Variants in AHI1 observed in about 807,000 individuals in gnomAD.
AHI1 encodes jouberin.
Under a neutral mutation model 149.3 loss-of-function variants are expected in AHI1, and 123 were observed. The ratio of observed to expected loss-of-function variants is 0.82; its 90% CI spans 0.71 to 0.96. AHI1 has a LOEUF of 0.96. AHI1 is among the 40% of genes least tolerant of loss of function. The pLI is 0.00. For synonymous variants in AHI1, 475 were observed against 459.8 expected (o/e 1.03, Z -0.42); for missense variants, 1,439 against 1,422.7 (o/e 1.01, Z -0.18).
intron 8 of AHI1, among the ~76,000 whole-genome samples, chr6:135,458,083 CT>C (rs1421199707): frequency 6.6e-6 from 1 of 152,068 alleles, no homozygotes; most frequent in Non-Finnish European, 1.5e-5. Context: ...CAGGTAAACA[CT>C]TTGGGTAACA....
Position 135,483,329 on chromosome 6 carries a change from T to G in AHI1, c.135+7294A>C, listed in dbSNP as rs1323238300. Among the ~76,000 whole-genome samples, 3 of 152,150 alleles carry G rather than the reference T, an allele frequency of 2.0e-5. 1 individual carries two copies. Among genetic ancestry groups the G allele is most frequent in the South Asian group, 4.1e-4 (2 of 4,828 alleles). On this transcript the variant is annotated intron_variant, in intron 5 of 28. Coordinates refer to ENST00000265602, the MANE Select transcript of AHI1 (RefSeq NM_001134831.2). ...GCACTTATATAGGTGAATGAACACA[T>G]GAAAGATATTATTAATACCTAGGAA...
chr6:135,397,515 T>C (rs910737259), intron 22 of AHI1, among the ~76,000 whole-genome samples: 1 of 151,876 alleles, frequency 6.6e-6, no homozygotes, highest in African/African-American at 2.4e-5. Flanking sequence ...AAATTCATAA[T>C]AAAGAAAAAA....
At chr6:135,426,453 A>G (rs888172905) in intron 20 of AHI1, among the ~76,000 whole-genome samples, 3 of 151,688 alleles carry the variant, frequency 2.0e-5, no homozygotes, top group Admixed American at 6.6e-5. Flanking sequence ...AATCAATTCA[A>G]TCTATATTAA....
At position 135,358,580 on chromosome 6, in the gene AHI1, A is replaced by G. The variant is rs76382549; in HGVS notation, c.3110-393T>C. On this transcript the variant is annotated intron_variant, in intron 23 of 28. Transcript: ENST00000265602. ...CACAAGGGCTATGAAGTGAATCACT[A>G]CTGTCTTATTTTCTCAAAAGAATAA... is the stretch of plus-strand genomic sequence containing the variant. 7.5e-3 allele frequency among the ~76,000 whole-genome samples: 1,148 copies of G among 152,326 alleles called. 12 individuals are homozygous for G. Among genetic ancestry groups the G allele is most frequent in the African/African-American group, 0.026 (1,086 of 41,586 alleles).
At chr6:135,293,354 C>A in intron 27 of AHI1, among the ~76,000 whole-genome samples, 1 of 111,792 alleles carries the variant, frequency 8.9e-6, no homozygotes, top group African/African-American at 3.5e-5. Flanking sequence ...TAGTTTTATT[C>A]AACATTGTAT....
intron 27 of AHI1, among the ~76,000 whole-genome samples, chr6:135,293,932 A>G (rs1398548548): frequency 6.6e-6 from 1 of 152,260 alleles, no homozygotes; most frequent in Non-Finnish European, 1.5e-5. Flanking sequence ...AAATTTGAAA[A>G]GGACAAAGTT....
intron 24 of AHI1, among the ~76,000 whole-genome samples, chr6:135,347,837 G>C (rs972790017): frequency 2.6e-5 from 4 of 152,176 alleles, no homozygotes; most frequent in Admixed American, 1.3e-4. Context: ...GGTAAAATAA[G>C]CTCTGAAGCC....
chr6:135,406,068 C>A (rs958093636), intron 21 of AHI1, among the ~76,000 whole-genome samples: 3 of 151,996 alleles, frequency 2.0e-5, no homozygotes, highest in Non-Finnish European at 4.4e-5. Flanking sequence ...ACCATTTAGT[C>A]ATAATATAAA....
chr6:135,442,811 A>C, intron 13 of AHI1, 97 bp from the exon 14 acceptor site: 1 of 1,151,084 alleles, frequency 8.7e-7, no homozygotes, highest in Non-Finnish European at 1.2e-6. Flanking sequence ...AAGTCCTTTT[A>C]TGATGCAGAG....
chr6:135,291,273 A>G (rs1782320687), intron 27 of AHI1, among the ~76,000 whole-genome samples: 1 of 152,254 alleles, frequency 6.6e-6, no homozygotes, highest in Non-Finnish European at 1.5e-5. Flanking sequence ...AGGACTGAAT[A>G]GAGATTCTTG....
chr6:135,431,109 G>A (rs989990354), intron 17 of AHI1, 99 bp downstream of exon 17: 11 of 709,166 alleles, frequency 1.6e-5, no homozygotes, highest in Non-Finnish European at 2.4e-5. Flanking sequence ...TTTTTGAAAT[G>A]AGAGAACAGA....
intron 11 of AHI1, among the ~76,000 whole-genome samples, chr6:135,449,304 C>T (rs535223582): frequency 7.9e-5 from 12 of 152,250 alleles, no homozygotes; most frequent in African/African-American, 2.9e-4. Flanking sequence ...CCCACCTCGG[C>T]CTCCCAAAGT....
rs777241163 is a variant in AHI1 at position 135,457,655 on chromosome 6, A to ATTATTATT, written c.989_990insAATAATAA (p.Asp330GlufsTer34). 1 of 1,613,980 alleles carries ATTATTATT rather than the reference A, an allele frequency of 6.2e-7. No individual in the cohort carries two copies. The highest frequency in any genetic ancestry group is 1.1e-5 in the South Asian group (1 of 91,086). On this transcript the variant is annotated frameshift_variant, in exon 9 of 29. Transcript: ENST00000265602. LOFTEE classifies it high-confidence loss of function. Reference sequence around the variant, plus strand: ...GCAAACATTTGGGATAAACCGGGCTATCTCGGCTTGTTATTTCATGAACAC... The same window carrying ATTATTATT: ...GCAAACATTTGGGATAAACCGGGCTATTATTATTTCTCGGCTTGTTATTTCATGAACAC...
At chr6:135,449,018 A>C (rs1787683750) in intron 11 of AHI1, among the ~76,000 whole-genome samples, 1 of 152,152 alleles carries the variant, frequency 6.6e-6, no homozygotes, top group Non-Finnish European at 1.5e-5. Context: ...CCTATTAAAC[A>C]AAACTTATAT....
intron 25 of AHI1, 119 bp downstream of exon 25, chr6:135,323,043 C>T: frequency 9.4e-7 from 1 of 1,060,822 alleles, no homozygotes; most frequent in Non-Finnish European, 1.3e-6. Context: ...AAAAACAATA[C>T]CCATTGGTAA....
chr6:135,363,201 C>T lies in AHI1; in HGVS notation c.3110-5014G>A, dbSNP rs868598548. Among the ~76,000 whole-genome samples, 481 of 150,856 alleles carry T rather than the reference C, an allele frequency of 3.2e-3. 1 individual carries two copies. The highest frequency in any genetic ancestry group is 5.1e-3 in the Non-Finnish European group (342 of 67,188). ...CTAGGCAGAGGACCCTGCGGCCTTC[C>T]GCAGTGTTTGTGTCCCTGGGTACTT... is the stretch of plus-strand genomic sequence containing the variant. On this transcript the variant is annotated intron_variant, in intron 23 of 28. Transcript: ENST00000265602.
At chr6:135,421,131 T>C (rs1461692147) in intron 20 of AHI1, among the ~76,000 whole-genome samples, 1 of 152,144 alleles carries the variant, frequency 6.6e-6, no homozygotes, top group Non-Finnish European at 1.5e-5. Flanking sequence ...CGCCATCTTA[T>C]ATGGGTACAG....
chr6:135,438,015 A>T (rs908507471), intron 15 of AHI1, among the ~76,000 whole-genome samples: 5 of 152,140 alleles, frequency 3.3e-5, no homozygotes, highest in African/African-American at 4.8e-5. Flanking sequence ...ACCCTCTGCA[A>T]ATCCAGCCAA....
intron 24 of AHI1, among the ~76,000 whole-genome samples, chr6:135,345,424 G>A (rs1001584669): frequency 1.3e-5 from 2 of 152,092 alleles, no homozygotes; most frequent in African/African-American, 4.8e-5. Flanking sequence ...CAACCCAAAT[G>A]TCCATCAGTG....
Sources: gnomAD v4.1 joint callset for allele counts (sites outside exome capture counted in the v4.1 genomes callset) on GRCh38, gnomAD v4.1.1 for gene constraint, MANE v1.5 for transcripts, NCBI Gene and HGNC (gene_info 2026-07-23, HGNC 2026-07-21) for gene names.